HIPK3: variants seen among roughly 807,000 people sequenced by gnomAD.
HIPK3 encodes the protein homeodomain-interacting protein kinase 3.
In HIPK3, 47 loss-of-function variants were observed where a neutral mutation model predicts 124.2. That is an observed-to-expected ratio of 0.38 (90% CI 0.30 to 0.48). HIPK3 has a LOEUF of 0.48. HIPK3 is among the 20% of genes least tolerant of loss of function. HIPK3 has a pLI of 0.98. For synonymous variants in HIPK3, 482 were observed against 515.2 expected, an observed-to-expected ratio of 0.94 and a Z score of 0.87; for missense variants, 1,286 against 1,454.3, an observed-to-expected ratio of 0.88 and a Z score of 1.88.
At chr11:33,292,768 C>G (rs1192461925) in intron 2 of HIPK3, among the ~76,000 whole-genome samples, 3 of 152,134 alleles carry the variant, frequency 2.0e-5, no homozygotes. Flanking sequence ...TGGAGTCTCG[C>G]TCTGTTGCCC....
At position 33,286,325 on chromosome 11, in the gene HIPK3, C is replaced by T; in HGVS notation, c.-2-88C>T. ...AATTTGACCCTTAAGAGTTTTCTTC[C>T]TGATATTTAAAATTGAAAAAAAAAT... On this transcript the variant is annotated intron_variant, in intron 1 of 16. Coordinates refer to ENST00000303296, the MANE Select transcript of HIPK3 (RefSeq NM_005734.5). 5.9e-6 allele frequency: 7 copies of T among 1,187,852 alleles called. No individual in the cohort carries two copies. In the South Asian group the frequency reaches 6.2e-5, roughly 10 times the overall value. The allele number at this position is 1,187,852 out of a possible 1,614,324, so 73.6% of individuals were successfully genotyped here.
At chr11:33,269,900 T>A (rs1851076280) in intron 1 of HIPK3, among the ~76,000 whole-genome samples, 1 of 152,184 alleles carries the variant, frequency 6.6e-6, no homozygotes, top group Non-Finnish European at 1.5e-5. Context: ...TTACCTTATT[T>A]CTAAATCCTT....
chr11:33,261,991 G>C (rs539257276), intron 1 of HIPK3, among the ~76,000 whole-genome samples: 5 of 152,062 alleles, frequency 3.3e-5, no homozygotes, highest in South Asian at 2.1e-4. Flanking sequence ...TCATGTGCTT[G>C]TTGGCCACAC....
Position 33,257,518 on chromosome 11 carries a change from G to A in HIPK3, c.-374G>A, listed in dbSNP as rs1850698109. 9 of 985,624 alleles carry A rather than the reference G, an allele frequency of 9.1e-6. No homozygotes were observed. The highest frequency in any genetic ancestry group is 1.7e-5 in the African/African-American group (1 of 57,308). The allele number at this position is 985,624 out of a possible 1,614,324, so 61.1% of individuals were successfully genotyped here. A position where few individuals can be genotyped will look rare whatever the true frequency, so the allele number is the denominator to read the frequency against. On this transcript the variant is annotated 5_prime_UTR_variant, in exon 1 of 17. Transcript: ENST00000303296. ...GGGGCGTCAGGAATGGGCCCCAATC[G>A]CCGTGGGCCCCGCACCCTGCGTCGC...
At position 33,351,841 on chromosome 11, in the gene HIPK3, C is replaced by T. The variant is rs1343581504; in HGVS notation, c.3041C>T (p.Thr1014Ile). The part of the protein sequence containing the change: ...GLNADEHMAN[T>I]DSICQPLIKG... ...AATGCCGATGAGCATATGGCAAACA[C>T]AGGTAAGTTGAGTCCTCCCATTTCT... The change falls in exon 15 of 17, where the codon ACA becomes ATA. Residue 1014 changes from threonine (T) to isoleucine (I), a missense_variant and splice_region_variant. Around this residue, in one of 3 missense-constraint regions of HIPK3, gnomAD observed 810 missense variants for 864.9 expected, o/e 0.94. Transcript: ENST00000303296. 1.2e-6 allele frequency: 2 copies of T among 1,609,230 alleles called. No homozygotes were observed. Among genetic ancestry groups the T allele is most frequent in the Admixed American group, 1.7e-5 (1 of 59,832 alleles).
intron 14 of HIPK3, among the ~76,000 whole-genome samples, chr11:33,351,387 C>T (rs965146915): frequency 6.6e-6 from 1 of 151,740 alleles, no homozygotes; most frequent in African/African-American, 2.4e-5. Context: ...AAATGATGTT[C>T]CTGAAATGGA....
chr11:33,266,103 A>G (rs942270197), intron 1 of HIPK3, among the ~76,000 whole-genome samples: 8 of 150,552 alleles, frequency 5.3e-5, no homozygotes, highest in Non-Finnish European at 7.4e-5. Flanking sequence ...TATCTAGTAT[A>G]TATTTGAACG....
intron 3 of HIPK3, among the ~76,000 whole-genome samples, chr11:33,331,406 G>C (rs12796581): frequency 0.076 from 11,569 of 152,204 alleles, 600 homozygotes; most frequent in East Asian, 0.13. Flanking sequence ...CAGGGTCTCA[G>C]TCTGTCATCT....
intron 3 of HIPK3, among the ~76,000 whole-genome samples, chr11:33,329,700 G>C (rs1852916294): frequency 6.6e-6 from 1 of 151,998 alleles, no homozygotes; most frequent in Admixed American, 6.6e-5. Flanking sequence ...ATTCCACTGG[G>C]TTTCTGTAAA....
At position 33,347,983 on chromosome 11, in the gene HIPK3, C is replaced by T; in HGVS notation, c.2276C>T (p.Thr759Ile). Residue 759 changes from threonine (T) to isoleucine (I), a missense_variant, in exon 11 of 17, where the codon ACT becomes ATT. Physicochemically the swap from Thr to Ile is moderately conservative, Grantham distance 89. This residue lies in a region of HIPK3 where 810 missense variants were observed against 864.9 expected (regional missense o/e 0.94). Transcript: ENST00000303296. ...CATGTTGTCTGGCCTCAGCCTGCCA[C>T]TACCAAGAAAAATAAACAGTGCCAG... is the stretch of plus-strand genomic sequence containing the variant. ...IAHVVWPQPA[T>I]TKKNKQCQNR... The T allele has an allele frequency of 6.2e-7, 1 of 1,614,172 alleles. No individual in the cohort carries two copies. Among genetic ancestry groups the T allele is most frequent in the Non-Finnish European group, 8.5e-7 (1 of 1,180,016 alleles).
chr11:33,282,020 GTTC>G (rs1261487316), intron 1 of HIPK3, among the ~76,000 whole-genome samples: 4 of 152,130 alleles, frequency 2.6e-5, no homozygotes, highest in Non-Finnish European at 4.4e-5. Context: ...ATGGTGTACT[GTTC>G]TTCTATATTT....
chr11:33,340,797 T>A (rs933342458), intron 6 of HIPK3, among the ~76,000 whole-genome samples, 171 bp from the exon 7 acceptor site: 2 of 152,246 alleles, frequency 1.3e-5, no homozygotes, highest in African/African-American at 4.8e-5. Context: ...CTCTGAAACT[T>A]AATCTTTTCT....
rs903520329 is a variant in HIPK3 at position 33,295,761 on chromosome 11, C to T, written c.1097+8250C>T. ...AACTTCACAGAACTGATGTTGTGTC[C>T]ACACATATTGAGAGGCGCATGATGT... is the stretch of plus-strand genomic sequence containing the variant. On this transcript the variant is annotated intron_variant, in intron 2 of 16. Transcript: ENST00000303296. 8.5e-5 allele frequency among the ~76,000 whole-genome samples: 13 copies of T among 152,184 alleles called. 1 individual carries two copies. Among genetic ancestry groups the T allele is most frequent in the African/African-American group, 2.4e-4 (10 of 41,444 alleles).
At chr11:33,279,034 G>T (rs1427045777) in intron 1 of HIPK3, among the ~76,000 whole-genome samples, 1 of 152,116 alleles carries the variant, frequency 6.6e-6, no homozygotes, top group African/African-American at 2.4e-5. Context: ...GAAGAACCCA[G>T]TCAGGCCTGG....
intron 5 of HIPK3, 29 bp from the exon 6 acceptor site, chr11:33,339,321 T>A: frequency 6.8e-7 from 1 of 1,480,534 alleles, no homozygotes; most frequent in Non-Finnish European, 9.0e-7. Context: ...TTATTTTTAC[T>A]TGATGGCTTG....
At chr11:33,292,942 T>A (rs111526504) in intron 2 of HIPK3, among the ~76,000 whole-genome samples, 24 of 152,264 alleles carry the variant, frequency 1.6e-4, no homozygotes, top group African/African-American at 5.8e-4. Flanking sequence ...TTTCACCGTG[T>A]TAGCCAGGAT....
Position 33,353,490 on chromosome 11 carries a change from T to G in HIPK3, c.3570T>G (p.His1190Gln). The G allele has an allele frequency of 2.5e-6, 4 of 1,614,118 alleles. No individual in the cohort carries two copies. Among genetic ancestry groups the G allele is most frequent in the Non-Finnish European group, 3.4e-6 (4 of 1,179,968 alleles). ...AGTACAAACCAATCTTCCCACCACATTCTTACATTGCAGCATCACCTGCAT... is the reference window on the plus strand; with the variant it reads ...AGTACAAACCAATCTTCCCACCACAGTCTTACATTGCAGCATCACCTGCAT... The part of the protein sequence containing the change: ...QTQYKPIFPP[H>Q]SYIAASPAYT... The change falls in exon 17 of 17, where the codon CAT becomes CAG. Residue 1190 changes from histidine to glutamine, a missense_variant. His to Gln is a conservative substitution (Grantham distance 24, BLOSUM62 0). Transcript: ENST00000303296.
At chr11:33,299,913 C>G (rs1358808556) in intron 2 of HIPK3, among the ~76,000 whole-genome samples, 3 of 148,794 alleles carry the variant, frequency 2.0e-5, no homozygotes, top group African/African-American at 7.5e-5. Flanking sequence ...GTCGTAGCTT[C>G]TTGGATGCTG....
At chr11:33,291,470 TAA>T (rs1851696521) in intron 2 of HIPK3, among the ~76,000 whole-genome samples, 1 of 152,178 alleles carries the variant, frequency 6.6e-6, no homozygotes, top group Non-Finnish European at 1.5e-5. Context: ...AGGGATATCT[TAA>T]AATAGACAGG....
Sources: gnomAD v4.1 joint callset for allele counts (sites outside exome capture counted in the v4.1 genomes callset) on GRCh38, gnomAD v4.1.1 for gene constraint, gnomAD v4.1.1 regional missense constraint, MANE v1.5 for transcripts, NCBI Gene and HGNC (gene_info 2026-07-23, HGNC 2026-07-21) for gene names.